The following ERMP1 variants were observed in gnomAD, a reference collection of about 807,000 sequenced individuals.
ERMP1 encodes the protein endoplasmic reticulum metallopeptidase 1.
In ERMP1, 86 loss-of-function variants were observed where a neutral mutation model predicts 92.0. The observed-to-expected ratio is 0.93, with a 90% CI of 0.79 to 1.12. The LOEUF (loss-of-function observed/expected upper bound fraction) is 1.12, where lower values mean the gene tolerates loss of function less well. Ranked by LOEUF, ERMP1 falls within the 50% of genes most tolerant of loss-of-function variation. The pLI is 0.00. For missense variants in ERMP1, 1,342 were observed against 1,116.3 expected (o/e 1.20, Z -2.88); for synonymous variants, 530 against 412.8 (o/e 1.28, Z -3.44).
At chr9:5,865,235 A>C (rs750791591) in intron 5 of ERMP1, among the ~76,000 whole-genome samples, 3 of 152,222 alleles carry the variant, frequency 2.0e-5, no homozygotes, top group Admixed American at 1.3e-4. Flanking sequence ...GGCTGGGCGC[A>C]GTGGCTTACG....
intron 6 of ERMP1, among the ~76,000 whole-genome samples, chr9:5,858,028 G>C (rs1318015640): frequency 6.6e-6 from 1 of 152,158 alleles, no homozygotes; most frequent in African/African-American, 2.4e-5. Flanking sequence ...TCTTTGTCCT[G>C]GCATAACTTA....
rs1828823013 is a variant in ERMP1 at position 5,805,173 on chromosome 9, T to A, written c.1768A>T (p.Ile590Phe). Residue 590 changes from isoleucine (I) to phenylalanine (F), a missense_variant, in exon 10 of 15, where the codon ATT becomes TTT. Coordinates refer to ENST00000339450, the MANE Select transcript of ERMP1 (RefSeq NM_024896.3). Reference protein sequence around the residue: ...FIAFYLLGMFIPYLYALYLIW... With the variant: ...FIAFYLLGMFFPYLYALYLIW... ...AGGTACAATGCATAAAGATAAGGAATAAACATCCCCAAAAGGTAAAAAGCA... is the reference window on the plus strand; with the variant it reads ...AGGTACAATGCATAAAGATAAGGAAAAAACATCCCCAAAAGGTAAAAAGCA... The A allele has an allele frequency of 6.2e-7, 1 of 1,611,702 alleles. No individual in the cohort carries two copies. Among genetic ancestry groups the A allele is most frequent in the South Asian group, 1.1e-5 (1 of 90,678 alleles).
At chr9:5,797,964 G>T in intron 12 of ERMP1, 32 bp from the exon 13 acceptor site, 2 of 1,375,960 alleles carry the variant, frequency 1.5e-6, no homozygotes, top group Non-Finnish European at 2.1e-6. Context: ...GTTTTAGGGT[G>T]CTTTATTATT....
intron 8 of ERMP1, among the ~76,000 whole-genome samples, chr9:5,807,785 T>C (rs1281287434): frequency 6.6e-6 from 1 of 151,924 alleles, no homozygotes; most frequent in Non-Finnish European, 1.5e-5. Flanking sequence ...AATTCAAATG[T>C]TGCCATCTCA....
chr9:5,794,282 C>T (rs1483532830), intron 13 of ERMP1, among the ~76,000 whole-genome samples: 1 of 151,982 alleles, frequency 6.6e-6, no homozygotes, highest in Non-Finnish European at 1.5e-5. Context: ...TGGCATGGAA[C>T]ATAAGCAGTG....
upstream of ERMP1, among the ~76,000 whole-genome samples, chr9:5,837,456 G>A (rs984005338): frequency 2.0e-5 from 3 of 151,942 alleles, no homozygotes; most frequent in East Asian, 1.9e-4. Context: ...AGACTCAAAA[G>A]TACAAGGACT....
chr9:5,791,388 G>A (rs764648414), intron 13 of ERMP1: 25 of 447,928 alleles, frequency 5.6e-5, no homozygotes, highest in South Asian at 1.3e-4. Context: ...CTTCACTGAC[G>A]GGATGAGGCT....
Position 5,813,136 on chromosome 9 carries a change from G to C in ERMP1, c.875-101C>G. On this transcript the variant is annotated intron_variant, in intron 4 of 14. Transcript: ENST00000339450. ...AGAAAACAGTAAAAGTGGTGGTTTT[G>C]GGAGACGGGTCCAATATGTACCTTT... The C allele has an allele frequency of 5.7e-6, 7 of 1,223,890 alleles. No individual in the cohort carries two copies. In the South Asian group the frequency reaches 6.7e-5, roughly 12 times the overall value. 75.8% of individuals were successfully genotyped at this position (1,223,890 alleles called of 1,614,324 possible).
At chr9:5,866,081 T>C (rs916161597) in intron 5 of ERMP1, among the ~76,000 whole-genome samples, 1 of 152,178 alleles carries the variant, frequency 6.6e-6, no homozygotes, top group Non-Finnish European at 1.5e-5. Context: ...TATGTGATTG[T>C]TGTACGGTAG....
At chr9:5,849,090 T>C (rs575581802) in intron 6 of ERMP1, among the ~76,000 whole-genome samples, 1 of 152,378 alleles carries the variant, frequency 6.6e-6, no homozygotes, top group Non-Finnish European at 1.5e-5. Flanking sequence ...TGGCACGATC[T>C]TGGCTCACTG....
chr9:5,788,681 G>A (rs529979266), intron 13 of ERMP1, among the ~76,000 whole-genome samples: 14 of 151,606 alleles, frequency 9.2e-5, no homozygotes, highest in Non-Finnish European at 1.9e-4. Context: ...CCAAAAAAAA[G>A]TATCAGAAAA....
At chr9:5,834,203 C>G (rs982310653), upstream of ERMP1, among the ~76,000 whole-genome samples, 19 of 152,334 alleles carry the variant, frequency 1.2e-4, no homozygotes, top group Middle Eastern at 0.01. Context: ...ACAATAGGAT[C>G]TTCTCACATG....
At chr9:5,857,261 A>C (rs111305254) in intron 6 of ERMP1, among the ~76,000 whole-genome samples, 7 of 152,122 alleles carry the variant, frequency 4.6e-5, no homozygotes, top group African/African-American at 1.7e-4. Context: ...AGCTCAAGGG[A>C]TCCTCCTGCC....
intron 13 of ERMP1, among the ~76,000 whole-genome samples, chr9:5,793,029 A>G (rs193290450): frequency 2.0e-5 from 3 of 152,276 alleles, no homozygotes; most frequent in African/African-American, 7.2e-5. Flanking sequence ...TAATAGCAAC[A>G]ATGTATGTGG....
intron 6 of ERMP1, among the ~76,000 whole-genome samples, chr9:5,847,303 C>G (rs1366358146): frequency 6.6e-6 from 1 of 152,144 alleles, no homozygotes; most frequent in African/African-American, 2.4e-5. Context: ...GTTGTCCAGG[C>G]TGTAGTGCAG....
chr9:5,843,572 T>C (rs1830193190), intron 6 of ERMP1, among the ~76,000 whole-genome samples: 5 of 152,226 alleles, frequency 3.3e-5, no homozygotes, highest in Admixed American at 3.3e-4. Context: ...GTATCAGATG[T>C]AGCTAGCCAG....
chr9:5,788,959 C>G, intron 13 of ERMP1, among the ~76,000 whole-genome samples: 1 of 151,912 alleles, frequency 6.6e-6, no homozygotes, highest in East Asian at 1.9e-4. Context: ...GTCATAAAGA[C>G]AGGAGAAATA....
chr9:5,825,245 T>G (rs373374149), intron 2 of ERMP1, 26 bp from the exon 3 acceptor site: 12 of 1,600,306 alleles, frequency 7.5e-6, no homozygotes, highest in Non-Finnish European at 1.0e-5. Flanking sequence ...ACAAATTTGC[T>G]GCTCAGATTT....
intron 1 of ERMP1, 131 bp downstream of exon 1, chr9:5,832,559 G>C: frequency 1.5e-6 from 1 of 675,140 alleles, no homozygotes; most frequent in Non-Finnish European, 2.2e-6. Flanking sequence ...CCCACCCCAC[G>C]TGCAGCCTGG....
Sources: gnomAD v4.1 joint callset for allele counts (sites outside exome capture counted in the v4.1 genomes callset) on GRCh38, gnomAD v4.1.1 for gene constraint, MANE v1.5 for transcripts, NCBI Gene and HGNC (gene_info 2026-07-23, HGNC 2026-07-21) for gene names.